The following POLR3G variants were observed in gnomAD, a reference collection of about 807,000 sequenced individuals.
POLR3G encodes RNA polymerase III subunit G, also known as DNA-directed RNA polymerase III subunit RPC7.
Under a neutral mutation model 30.1 loss-of-function variants are expected in POLR3G, and 28 were observed. The ratio of observed to expected loss-of-function variants is 0.93; its 90% confidence interval spans 0.69 to 1.27. The LOEUF is 1.27. POLR3G is among the 50% of genes most tolerant of loss of function. POLR3G has a pLI of 0.00. For missense variants in POLR3G, 254 were observed against 264.6 expected (o/e 0.96, Z 0.28); for synonymous variants, 79 against 82.5 (o/e 0.96, Z 0.23).
chr5:90,484,532 G>C (rs904548470), intron 1 of POLR3G, among the ~76,000 whole-genome samples: 8 of 152,200 alleles, frequency 5.3e-5, no homozygotes, highest in Non-Finnish European at 8.8e-5. Flanking sequence ...CATTAATGTG[G>C]TAGACTAAGA....
intron 7 of POLR3G, 110 bp downstream of exon 7, chr5:90,506,784 C>T (rs1316753417): frequency 1.4e-6 from 2 of 1,380,496 alleles, no homozygotes; most frequent in East Asian, 2.5e-5. Flanking sequence ...TGATGGGAAC[C>T]AGAAGTATAT....
At chr5:90,474,300 A>T, upstream of POLR3G, 1 of 1,611,942 alleles carries the variant, frequency 6.2e-7, no homozygotes, top group South Asian at 1.1e-5. Flanking sequence ...CATGCTGGGC[A>T]GGGGTGCAGC....
intron 1 of POLR3G, among the ~76,000 whole-genome samples, chr5:90,478,627 G>A (rs994964612): frequency 1.2e-4 from 16 of 137,922 alleles, no homozygotes; most frequent in East Asian, 2.1e-4. Context: ...GGAGTGCAGC[G>A]GCGCAAGCAA....
In POLR3G at chr5:90,483,791, A is replaced by T. The variant is rs16868693; in HGVS notation, c.-43-1734A>T. On this transcript the variant is annotated intron_variant, in intron 1 of 7. Transcript: ENST00000651687. Reference sequence around the variant, plus strand: ...TAAAAAATTAAATTGGCTGTCTAAAAGTGCAATGCCTTGTTACTGCTATTC... The same window carrying T: ...TAAAAAATTAAATTGGCTGTCTAAATGTGCAATGCCTTGTTACTGCTATTC... 7.6e-3 allele frequency among the ~76,000 whole-genome samples: 1,160 copies of T among 152,320 alleles called. 45 individuals are homozygous for T. The highest frequency in any genetic ancestry group is 0.062 in the Admixed American group (941 of 15,294).
chr5:90,507,781 G>A (rs924762040), intron 7 of POLR3G, among the ~76,000 whole-genome samples: 1 of 151,904 alleles, frequency 6.6e-6, no homozygotes, highest in African/African-American at 2.4e-5. Flanking sequence ...CACATTTGTG[G>A]TAGATCACAT....
intron 4 of POLR3G, among the ~76,000 whole-genome samples, chr5:90,497,010 T>G (rs969609939): frequency 3.3e-5 from 5 of 152,234 alleles, no homozygotes; most frequent in Non-Finnish European, 7.3e-5. Flanking sequence ...GCTCCAAATT[T>G]TCTTTAAAAG....
rs1235476816 is a variant in POLR3G at position 90,511,958 on chromosome 5, T to C, written c.586-95T>C. 6.1e-6 allele frequency: 5 copies of C among 819,010 alleles called. No individual in the cohort carries two copies. The East Asian group carries it at 1.1e-4, about 17-fold the overall frequency. The allele number at this position is 819,010 out of a possible 1,614,324, so 50.7% of individuals were successfully genotyped here. On this transcript the variant is annotated intron_variant, in intron 7 of 7. Coordinates refer to ENST00000651687, the MANE Select transcript of POLR3G (RefSeq NM_006467.3). The stretch of plus-strand genomic sequence containing the variant: ...ACACAAGTGAAAACTGTTGTGTTTT[T>C]GAAGCAGATAAAAAGCAGAGACTTT...
intron 1 of POLR3G, among the ~76,000 whole-genome samples, chr5:90,479,325 T>C (rs1751004994): frequency 6.6e-6 from 1 of 151,974 alleles, no homozygotes; most frequent in African/African-American, 2.4e-5. Flanking sequence ...ATACAAAAAT[T>C]AGCCGGGCTT....
Position 90,497,671 on chromosome 5 carries a change from C to T in POLR3G, c.320C>T (p.Pro107Leu), listed in dbSNP as rs1336157157. Residue 107 changes from proline to leucine, a missense_variant, in exon 5 of 8, where the codon CCA becomes CTA. Transcript: ENST00000651687. Reference sequence around the variant, plus strand: ...TTATGTACAGATTGGAGAAGACTTCCAAGAGAGATGATGCCAAGAAATAAA... The same window carrying T: ...TTATGTACAGATTGGAGAAGACTTCTAAGAGAGATGATGCCAAGAAATAAA... Reference protein sequence around the residue: ...EEWIPDWRRLPREMMPRNKCK... With the variant: ...EEWIPDWRRLLREMMPRNKCK... The T allele has an allele frequency of 1.2e-6, 2 of 1,602,588 alleles. No homozygotes were observed.
upstream of POLR3G, chr5:90,474,358 C>G (rs1750658966): frequency 7.0e-7 from 1 of 1,433,120 alleles, no homozygotes; most frequent in South Asian, 1.2e-5. Context: ...GCTGTCCACA[C>G]ACAGGGCACT....
In POLR3G at chr5:90,501,917, C is replaced by T; in HGVS notation, c.367C>T (p.Pro123Ser). 1.2e-6 allele frequency: 2 copies of T among 1,613,156 alleles called. No individual in the cohort carries two copies. The highest frequency in any genetic ancestry group is 1.7e-6 in the Non-Finnish European group (2 of 1,179,508). ...RNKCKKAGPKPKKAKDAGKGT... is the reference protein window; with the variant it reads ...RNKCKKAGPKSKKAKDAGKGT... ...TAGTTTTACTTCAGCAGGCCCAAAA[C>T]CCAAAAAGGCAAAAGACGCAGGCAA... The change falls in exon 6 of 8, where the codon CCC (proline) becomes TCC (serine). Residue 123 changes from proline (P) to serine (S), a missense_variant. Physicochemically the swap from Pro to Ser is moderately conservative, Grantham distance 74 (BLOSUM62 -1). Transcript: ENST00000651687.
At chr5:90,473,950 C>CA, upstream of POLR3G, 1 of 1,602,648 alleles carries the variant, frequency 6.2e-7, no homozygotes. Context: ...GTCACGGTCT[C>CA]AAAGTTGTCC....
At chr5:90,505,187 C>G (rs921419466) in intron 6 of POLR3G, among the ~76,000 whole-genome samples, 5 of 152,180 alleles carry the variant, frequency 3.3e-5, no homozygotes, top group African/African-American at 1.2e-4. Context: ...TGCTTTCTCT[C>G]TATATGTAAT....
At chr5:90,505,260 A>C (rs1424242320) in intron 6 of POLR3G, among the ~76,000 whole-genome samples, 1 of 152,152 alleles carries the variant, frequency 6.6e-6, no homozygotes, top group Non-Finnish European at 1.5e-5. Context: ...TAGTATTCCA[A>C]TTTCTGTTTA....
intron 1 of POLR3G, among the ~76,000 whole-genome samples, chr5:90,479,438 A>G (rs556533779): frequency 6.6e-6 from 1 of 152,134 alleles, no homozygotes; most frequent in Non-Finnish European, 1.5e-5. Context: ...GCACCAATGC[A>G]CTCCAGCCTG....
chr5:90,496,039 T>A (rs928412311), intron 4 of POLR3G, among the ~76,000 whole-genome samples: 6 of 152,126 alleles, frequency 3.9e-5, no homozygotes, highest in African/African-American at 1.2e-4. Flanking sequence ...TGGCACGATA[T>A]CGGCTCATTG....
At position 90,513,047 on chromosome 5, in the gene POLR3G, CAG is replaced by C. The variant is rs1272116338; in HGVS notation, c.*909_*910del. On this transcript the variant is annotated 3_prime_UTR_variant, in exon 8 of 8. Transcript: ENST00000651687. Reference sequence around the variant, plus strand: ...TTTATATAAAAATGCAAAATGAACTCAGGTCATTTTGAAATTAATATTAATAT... The same window carrying C: ...TTTATATAAAAATGCAAAATGAACTCGTCATTTTGAAATTAATATTAATAT... The C allele has an allele frequency of 3.3e-5, 5 of 151,834 alleles. No homozygotes were observed. Among genetic ancestry groups the C allele is most frequent in the African/African-American group, 1.2e-4 (5 of 41,348 alleles). The allele number at this position is 151,834 out of a possible 1,614,324, so 9.4% of individuals were successfully genotyped here.
chr5:90,506,672 G>C lies in POLR3G; in HGVS notation c.583G>C (p.Glu195Gln). The C allele has an allele frequency of 6.2e-7, 1 of 1,603,354 alleles. No homozygotes were observed. Among genetic ancestry groups the C allele is most frequent in the Non-Finnish European group, 8.5e-7 (1 of 1,175,126 alleles). Reference protein sequence around the residue: ...QEEYDEEEQEEENDYINSYFE... With the variant: ...QEEYDEEEQEQENDYINSYFE... ...GGAATATGATGAAGAAGAGCAAGAAGAGGTAATGGTTCATTTGGGGATGGT... is the reference window on the plus strand; with the variant it reads ...GGAATATGATGAAGAAGAGCAAGAACAGGTAATGGTTCATTTGGGGATGGT... The change falls in exon 7 of 8, where the codon GAG (glutamate) becomes CAG (glutamine). Residue 195 changes from glutamate (E) to glutamine (Q), a missense_variant and splice_region_variant. Physicochemically the swap from Glu to Gln is conservative, Grantham distance 29. Coordinates refer to ENST00000651687, the MANE Select transcript of POLR3G (RefSeq NM_006467.3).
In POLR3G at chr5:90,486,870, C is replaced by G. The variant is rs569062888; in HGVS notation, c.118-1130C>G. 3.6e-3 allele frequency among the ~76,000 whole-genome samples: 549 copies of G among 152,244 alleles called. 1 individual carries two copies. The highest frequency in any genetic ancestry group is 0.013 in the African/African-American group (522 of 41,530). Reference sequence around the variant, plus strand: ...TGGGCAGGGACTTTGACTTATTTATCATGGTATCCTCCATAGTCTAAACAT... The same window carrying G: ...TGGGCAGGGACTTTGACTTATTTATGATGGTATCCTCCATAGTCTAAACAT... On this transcript the variant is annotated intron_variant, in intron 2 of 7. Coordinates refer to ENST00000651687, the MANE Select transcript of POLR3G (RefSeq NM_006467.3).
Sources: gnomAD v4.1 joint callset for allele counts (sites outside exome capture counted in the v4.1 genomes callset) on GRCh38, gnomAD v4.1.1 for gene constraint, MANE v1.5 for transcripts, NCBI Gene and HGNC (gene_info 2026-07-23, HGNC 2026-07-21) for gene names.